The following PRORP variants were observed in gnomAD, a reference collection of about 807,000 sequenced individuals.
The protein encoded by PRORP is protein only RNase P catalytic subunit, also known as mitochondrial ribonuclease P catalytic subunit.
PRORP carries 51 observed loss-of-function variants against 59.4 expected under a neutral mutation model. The observed-to-expected ratio is 0.86, with a 90% CI of 0.69 to 1.08. The LOEUF is 1.08. Ranked by LOEUF, PRORP falls within the 50% of genes least tolerant of loss-of-function variation. The probability of loss-of-function intolerance (pLI) is 0.00; values close to 1 mark genes in which losing one functional copy is unlikely to be tolerated. For synonymous variants in PRORP, 231 were observed against 245.6 expected (o/e 0.94, Z 0.55); for missense variants, 646 against 690.3 (o/e 0.94, Z 0.72).
chr14:35,256,326 C>CTTTTTTT (rs1178856754), intron 5 of PRORP, among the ~76,000 whole-genome samples: 2 of 82,814 alleles, frequency 2.4e-5, no homozygotes, highest in African/African-American at 5.5e-5. Flanking sequence ...TTGTGCGTAT[C>CTTTTTTT]TTTTTTTTTT....
At chr14:35,246,383 G>T (rs375002850) in intron 5 of PRORP, among the ~76,000 whole-genome samples, 9 of 152,150 alleles carry the variant, frequency 5.9e-5, no homozygotes, top group East Asian at 3.8e-4. Context: ...AACTGAGGGG[G>T]CAAGGGTATC....
At chr14:35,261,962 A>C (rs80198297) in intron 5 of PRORP, among the ~76,000 whole-genome samples, 3,084 of 152,168 alleles carry the variant, frequency 0.02, 112 homozygotes, top group African/African-American at 0.066. Flanking sequence ...CAGCCACAAG[A>C]TGGTGCCCCA....
intron 4 of PRORP, among the ~76,000 whole-genome samples, chr14:35,133,541 T>G (rs2047301647): frequency 1.3e-5 from 2 of 152,344 alleles, no homozygotes; most frequent in East Asian, 1.9e-4. Context: ...TGTGATGTCC[T>G]GTTTTCCTGG....
chr14:35,180,661 CT>C lies in PRORP; in HGVS notation c.1168-6del, dbSNP rs1395705803. ...CTTATTAATGTTTTGTCTGACATTT[CT>C]TTATTAGGAACTTAAGAGATTTGAG... On this transcript the variant is annotated splice_region_variant and splice_polypyrimidine_tract_variant and intron_variant, in intron 4 of 7. Coordinates refer to ENST00000534898, the MANE Select transcript of PRORP (RefSeq NM_014672.4). 6.4e-7 allele frequency: 1 copy of C among 1,550,634 alleles called. No individual in the cohort carries two copies. The highest frequency in any genetic ancestry group is 8.9e-7 in the Non-Finnish European group (1 of 1,125,014).
intron 4 of PRORP, among the ~76,000 whole-genome samples, chr14:35,169,354 A>G (rs1047524459): frequency 2.0e-4 from 31 of 152,164 alleles, no homozygotes; most frequent in African/African-American, 7.5e-4. Context: ...CAGCAACTAT[A>G]AAGATCTCAG....
chr14:35,194,011 A>G (rs958428665), intron 5 of PRORP, among the ~76,000 whole-genome samples: 11 of 152,178 alleles, frequency 7.2e-5, no homozygotes, highest in African/African-American at 2.6e-4. Context: ...TCAAATATAT[A>G]TATGAGGAGC....
Position 35,232,946 on chromosome 14 carries a change from T to G in PRORP, c.1276-33781T>G, listed in dbSNP as rs551908434. ...CCTCAGCCTACCAAAGTGCTGGGATTGCAGGCATGAGCCACTGCGCCCAGC... is the reference window on the plus strand; with the variant it reads ...CCTCAGCCTACCAAAGTGCTGGGATGGCAGGCATGAGCCACTGCGCCCAGC... On this transcript the variant is annotated intron_variant, in intron 5 of 7. Coordinates refer to ENST00000534898, the MANE Select transcript of PRORP (RefSeq NM_014672.4). Among the ~76,000 whole-genome samples the G allele has an allele frequency of 4.6e-5, 7 of 152,292 alleles. No individual in the cohort carries two copies. The East Asian group carries it at 1.4e-3, about 29-fold the overall frequency.
chr14:35,177,348 A>C lies in PRORP; in HGVS notation c.1168-3322A>C, dbSNP rs9743524. Among the ~76,000 whole-genome samples, 3 of 152,174 alleles carry C rather than the reference A, an allele frequency of 2.0e-5. No individual in the cohort carries two copies. In the East Asian group the frequency reaches 5.8e-4, roughly 29 times the overall value. On this transcript the variant is annotated intron_variant, in intron 4 of 7. Coordinates refer to ENST00000534898, the MANE Select transcript of PRORP (RefSeq NM_014672.4). ...AGCTCCTCCTTGTACCTCTGGTAGA[A>C]TTTGGCTGTGAATCCGTCTGGTCCT...
intron 5 of PRORP, among the ~76,000 whole-genome samples, chr14:35,192,262 C>G (rs1490020260): frequency 1.3e-5 from 2 of 152,246 alleles, no homozygotes; most frequent in East Asian, 3.9e-4. Context: ...CTTTAATATT[C>G]TTCCATCTTC....
At chr14:35,207,021 T>G (rs1951940908) in intron 5 of PRORP, among the ~76,000 whole-genome samples, 1 of 152,208 alleles carries the variant, frequency 6.6e-6, no homozygotes, top group Non-Finnish European at 1.5e-5. Context: ...TACATTTTTC[T>G]GCTTTTAAGA....
chr14:35,133,819 T>C lies in PRORP; in HGVS notation c.1167+6208T>C, dbSNP rs534045352. 1.1e-4 allele frequency among the ~76,000 whole-genome samples: 17 copies of C among 152,316 alleles called. No individual in the cohort carries two copies. In the South Asian group the frequency reaches 2.9e-3, roughly 26 times the overall value. On this transcript the variant is annotated intron_variant, in intron 4 of 7. Transcript: ENST00000534898. ...AAGCTCTTGTTCTCTTCCCTTACTT[T>C]TTCCTAAACAAACAGTCTCTCCCTC...
intron 5 of PRORP, among the ~76,000 whole-genome samples, chr14:35,215,465 A>G (rs2049563227): frequency 6.6e-6 from 1 of 152,122 alleles, no homozygotes; most frequent in African/African-American, 2.4e-5. Context: ...TAAAAAATAC[A>G]CATAATTTTA....
chr14:35,152,545 G>A (rs1052595403), intron 4 of PRORP, among the ~76,000 whole-genome samples: 14 of 147,986 alleles, frequency 9.5e-5, no homozygotes, highest in South Asian at 4.2e-4. Flanking sequence ...ATGGGGCAGC[G>A]GCCGGGTGGA....
At chr14:35,133,574 G>A (rs2047302942) in intron 4 of PRORP, among the ~76,000 whole-genome samples, 1 of 152,120 alleles carries the variant, frequency 6.6e-6, no homozygotes, top group South Asian at 2.1e-4. Flanking sequence ...CCATGTCTGG[G>A]CATTGAAGAG....
chr14:35,243,936 G>A (rs1365656382), intron 5 of PRORP, among the ~76,000 whole-genome samples: 1 of 152,062 alleles, frequency 6.6e-6, no homozygotes, highest in Non-Finnish European at 1.5e-5. Flanking sequence ...TTTGGTTTAG[G>A]TCATTTTTTA....
At chr14:35,125,264 C>T (rs1475086774) in intron 2 of PRORP, among the ~76,000 whole-genome samples, 1 of 152,124 alleles carries the variant, frequency 6.6e-6, no homozygotes, top group East Asian at 1.9e-4. Context: ...AATCTTAACC[C>T]TTCCAGTTTG....
intron 5 of PRORP, among the ~76,000 whole-genome samples, chr14:35,253,466 G>A (rs574886056): frequency 3.9e-5 from 6 of 152,246 alleles, no homozygotes; most frequent in South Asian, 2.1e-4. Flanking sequence ...TCCCTTCGCA[G>A]TGAAGCTTCT....
At chr14:35,201,026 A>G (rs2049134084) in intron 5 of PRORP, among the ~76,000 whole-genome samples, 1 of 152,230 alleles carries the variant, frequency 6.6e-6, no homozygotes, top group Non-Finnish European at 1.5e-5. Context: ...CAATTTTGAG[A>G]ATAATGGTCA....
chr14:35,168,893 A>G (rs1036053313), intron 4 of PRORP, among the ~76,000 whole-genome samples: 1 of 152,008 alleles, frequency 6.6e-6, no homozygotes, highest in African/African-American at 2.4e-5. Context: ...TGAACTATTT[A>G]GAAATATTTT....
Sources: gnomAD v4.1 joint callset for allele counts (sites outside exome capture counted in the v4.1 genomes callset) on GRCh38, gnomAD v4.1.1 for gene constraint, MANE v1.5 for transcripts, NCBI Gene and HGNC (gene_info 2026-07-23, HGNC 2026-07-21) for gene names.